The following LACTB2 variants were observed in gnomAD, a reference collection of about 807,000 sequenced individuals.
LACTB2 encodes endoribonuclease LACTB2.
LACTB2 carries 32 observed loss-of-function variants against 34.8 expected under a neutral mutation model. The observed-to-expected ratio is 0.92, with a 90% CI of 0.69 to 1.24. LACTB2 has a LOEUF of 1.24. Among genes scored for constraint, LACTB2 ranks in the 50% most tolerant of loss-of-function variants. The pLI, the probability that LACTB2 is intolerant of heterozygous loss-of-function variation, is 0.00. For missense variants in LACTB2, 320 were observed against 345.0 expected (o/e 0.93, Z 0.57); for synonymous variants, 120 against 117.5 (o/e 1.02, Z -0.14).
intron 1 of LACTB2, among the ~76,000 whole-genome samples, chr8:70,664,637 G>T (rs1818517036): frequency 6.6e-6 from 1 of 151,778 alleles, no homozygotes; most frequent in Non-Finnish European, 1.5e-5. Context: ...ACAAAGGAGG[G>T]GTGTCTAGAT....
intron 5 of LACTB2, among the ~76,000 whole-genome samples, chr8:70,638,932 G>C (rs1818159312): frequency 6.6e-6 from 1 of 151,842 alleles, no homozygotes. Flanking sequence ...TAGAGACGGG[G>C]TTTCACCATG....
At chr8:70,640,782 A>C (rs1202586940) in intron 5 of LACTB2, 120 bp downstream of exon 5, 2 of 1,185,544 alleles carry the variant, frequency 1.7e-6, no homozygotes, top group Non-Finnish European at 2.2e-6. Context: ...TGCTGGTCTC[A>C]AATCTAGAAA....
At chr8:70,640,753 C>T in intron 5 of LACTB2, 149 bp downstream of exon 5, 1 of 899,720 alleles carries the variant, frequency 1.1e-6, no homozygotes, top group Non-Finnish European at 1.5e-6. Flanking sequence ...TTAATTTTAG[C>T]ACTGTAGAAA....
chr8:70,656,693 A>G (rs1818415997), intron 3 of LACTB2, among the ~76,000 whole-genome samples: 1 of 152,050 alleles, frequency 6.6e-6, no homozygotes, highest in Non-Finnish European at 1.5e-5. Flanking sequence ...GAATTTTAGA[A>G]TTGTTTTTTC....
intron 1 of LACTB2, among the ~76,000 whole-genome samples, chr8:70,668,230 T>C (rs1469324883): frequency 6.6e-6 from 1 of 152,228 alleles, no homozygotes; most frequent in Non-Finnish European, 1.5e-5. Flanking sequence ...CACAATTAAA[T>C]TCTATGCTCA....
At chr8:70,641,829 C>G (rs1010241450) in intron 4 of LACTB2, among the ~76,000 whole-genome samples, 6 of 152,130 alleles carry the variant, frequency 3.9e-5, no homozygotes, top group African/African-American at 1.4e-4. Flanking sequence ...TATTTGAGAA[C>G]AAAATATCCA....
At chr8:70,639,305 G>A (rs1312912909) in intron 5 of LACTB2, among the ~76,000 whole-genome samples, 2 of 151,880 alleles carry the variant, frequency 1.3e-5, no homozygotes, top group African/African-American at 2.4e-5. Context: ...GATTACAGGC[G>A]TGTGCCACCA....
chr8:70,642,860 C>CT (rs1563402673), intron 4 of LACTB2, among the ~76,000 whole-genome samples: 1 of 152,042 alleles, frequency 6.6e-6, no homozygotes, highest in Non-Finnish European at 1.5e-5. Flanking sequence ...TAACATGTTT[C>CT]TTTTTCTGGA....
At chr8:70,639,225 T>C (rs570148951) in intron 5 of LACTB2, among the ~76,000 whole-genome samples, 5 of 151,890 alleles carry the variant, frequency 3.3e-5, no homozygotes, top group African/African-American at 1.2e-4. Context: ...AATGGCGCGA[T>C]CTCGGCTCAC....
intron 2 of LACTB2, chr8:70,660,422 C>G (rs1173335726): frequency 2.7e-6 from 1 of 366,088 alleles, no homozygotes; most frequent in Admixed American, 3.7e-5. Context: ...GGTAAGGAAG[C>G]TTGGTTGCCA....
In LACTB2 at chr8:70,645,114, G is replaced by C. The variant is rs557229222; in HGVS notation, c.414-871C>G. Among the ~76,000 whole-genome samples the C allele has an allele frequency of 6.6e-5, 10 of 151,166 alleles. No individual in the cohort carries two copies. In the East Asian group the frequency reaches 1.9e-3, roughly 29 times the overall value. ...TATACATATATGTTTATTTATTTTT[G>C]AGATATATCAAGGTCTTGTTATGTT... On this transcript the variant is annotated intron_variant, in intron 3 of 6. Coordinates refer to ENST00000276590, the MANE Select transcript of LACTB2 (RefSeq NM_016027.3).
chr8:70,639,394 G>A (rs997346744), intron 5 of LACTB2, among the ~76,000 whole-genome samples: 19 of 146,192 alleles, frequency 1.3e-4, no homozygotes, highest in Non-Finnish European at 2.6e-4. Flanking sequence ...TCCTGACCTC[G>A]GGTGATCCGC....
chr8:70,649,107 G>T (rs1409992318), intron 3 of LACTB2, among the ~76,000 whole-genome samples: 6 of 152,174 alleles, frequency 3.9e-5, no homozygotes, highest in Non-Finnish European at 7.3e-5. Context: ...GATACTTTCA[G>T]ATATCTAAGG....
intron 3 of LACTB2, among the ~76,000 whole-genome samples, 172 bp from the exon 4 acceptor site, chr8:70,644,415 TC>T (rs1180779701): frequency 1.3e-5 from 2 of 152,222 alleles, no homozygotes; most frequent in African/African-American, 4.8e-5. Flanking sequence ...GAAAATTCTC[TC>T]CTTTAACTAA....
At chr8:70,660,343 A>G (rs541770791) in intron 2 of LACTB2, 1 of 303,670 alleles carries the variant, frequency 3.3e-6, no homozygotes, top group Non-Finnish European at 6.4e-6. Context: ...GAGAAGGAAA[A>G]GTCAGACTGA....
chr8:70,664,598 A>T (rs1818516616), intron 1 of LACTB2, among the ~76,000 whole-genome samples: 1 of 152,184 alleles, frequency 6.6e-6, no homozygotes. Flanking sequence ...AACAGAAAAA[A>T]GTTCTGGAAT....
intron 4 of LACTB2, among the ~76,000 whole-genome samples, chr8:70,642,374 T>G (rs1427772550): frequency 6.6e-6 from 1 of 152,198 alleles, no homozygotes; most frequent in African/African-American, 2.4e-5. Context: ...AGTGTAAATG[T>G]GTTGAAGATA....
At chr8:70,648,348 C>T (rs1328973371) in intron 3 of LACTB2, among the ~76,000 whole-genome samples, 1 of 152,074 alleles carries the variant, frequency 6.6e-6, no homozygotes, top group Non-Finnish European at 1.5e-5. Flanking sequence ...AAGAAAATTT[C>T]CAAAACAACC....
intron 2 of LACTB2, chr8:70,660,724 G>A (rs1002309499): frequency 1.1e-5 from 5 of 456,012 alleles, no homozygotes; most frequent in Non-Finnish European, 2.2e-5. Flanking sequence ...TCCACTTTAC[G>A]CTCTCTTCCC....
Sources: gnomAD v4.1 joint callset for allele counts (sites outside exome capture counted in the v4.1 genomes callset) on GRCh38, gnomAD v4.1.1 for gene constraint, MANE v1.5 for transcripts, NCBI Gene and HGNC (gene_info 2026-07-23, HGNC 2026-07-21) for gene names.